MACF1: variants seen among roughly 807,000 people sequenced by gnomAD.
MACF1 encodes the protein microtubule-actin cross-linking factor 1.
In MACF1, 193 loss-of-function variants were observed where a neutral mutation model predicts 854.8. The ratio of observed to expected loss-of-function variants is 0.23; its 90% confidence interval spans 0.20 to 0.25. The LOEUF (loss-of-function observed/expected upper bound fraction) is 0.25, where lower values mean the gene tolerates loss of function less well. Among genes scored for constraint, MACF1 ranks in the 10% least tolerant of loss-of-function variants. The probability of loss-of-function intolerance (pLI) is 1.00; values close to 1 mark genes in which losing one functional copy is unlikely to be tolerated. For synonymous variants in MACF1, 3,185 were observed against 3,226.7 expected (o/e 0.99, Z 0.44); for missense variants, 7,722 against 8,929.1 (o/e 0.86, Z 5.45).
chr1:39,292,982 C>T (rs1417327770), intron 17 of MACF1, 139 bp downstream of exon 17: 15 of 620,202 alleles, frequency 2.4e-5, no homozygotes, highest in Non-Finnish European at 3.9e-5. Context: ...TTACTATGCA[C>T]TTATTCATAT....
At chr1:39,310,518 A>G in intron 25 of MACF1, 90 bp downstream of exon 25, 2 of 1,346,834 alleles carry the variant, frequency 1.5e-6, no homozygotes, top group Non-Finnish European at 2.0e-6. Context: ...TGAGAGAGTA[A>G]CATCACCACT....
chr1:39,314,548 TTC>T (rs147825623), intron 26 of MACF1, among the ~76,000 whole-genome samples: 4,510 of 126,294 alleles, frequency 0.036, 204 homozygotes, highest in African/African-American at 0.092. Context: ...CAATTTCTCT[TTC>T]TCTCTCTCTC....
At position 39,424,021 on chromosome 1, in the gene MACF1, A is replaced by G; in HGVS notation, c.16150-7A>G. 1.2e-6 allele frequency: 2 copies of G among 1,607,016 alleles called. No homozygotes were observed. Among genetic ancestry groups the G allele is most frequent in the Non-Finnish European group, 8.5e-7 (1 of 1,176,450 alleles). ...TGTGTTACAGCTTTTCATTCTCTTT[A>G]TAATAGTTGCTCCAGCGGCTCCTAG... On this transcript the variant is annotated splice_polypyrimidine_tract_variant and splice_region_variant and intron_variant, in intron 60 of 100. Coordinates refer to ENST00000564288, the MANE Select transcript of MACF1 (RefSeq NM_001394062.1).
At chr1:39,420,078 G>C (rs1643477121) in intron 58 of MACF1, among the ~76,000 whole-genome samples, 1 of 152,182 alleles carries the variant, frequency 6.6e-6, no homozygotes, top group Admixed American at 6.5e-5. Context: ...ATGTGGCTTT[G>C]ACTATGTGAA....
intron 1 of MACF1, among the ~76,000 whole-genome samples, chr1:39,225,000 C>G (rs1418817706): frequency 6.6e-6 from 1 of 152,054 alleles, no homozygotes; most frequent in Non-Finnish European, 1.5e-5. Context: ...GCCTGGACAA[C>G]ATACTGACAC....
intron 58 of MACF1, among the ~76,000 whole-genome samples, chr1:39,402,719 GCT>G (rs1557632675): frequency 6.6e-6 from 1 of 152,186 alleles, no homozygotes; most frequent in Non-Finnish European, 1.5e-5. Flanking sequence ...TGCTGAAACT[GCT>G]CTCTTAGATA....
rs141563014 is a variant in MACF1, at chr1:39,334,622, A to G, written c.8034A>G (p.Ala2678=). 2 of 1,614,120 alleles carry G rather than the reference A, an allele frequency of 1.2e-6. No homozygotes were observed. Among genetic ancestry groups the G allele is most frequent in the East Asian group, 2.2e-5 (1 of 44,874 alleles). ...TTCAGCTTGGAAAAGTAGACTTTGC[A>G]TCTACGCTGAAGGTTCTAGAAGCCC... ...QAIQLGKVDF[A]STLKVLEAQA... The change falls in exon 37 of 101, where the codon GCA becomes GCG. Residue 2678 remains alanine, a synonymous_variant. Coordinates refer to ENST00000564288, the MANE Select transcript of MACF1 (RefSeq NM_001394062.1).
intron 15 of MACF1, among the ~76,000 whole-genome samples, chr1:39,291,269 G>T (rs574104693): frequency 6.6e-6 from 1 of 152,194 alleles, no homozygotes. Flanking sequence ...GAGCCACTGC[G>T]CCTGGCAATC....
chr1:39,197,826 T>C (rs1176662538), intron 2 of MACF1, among the ~76,000 whole-genome samples: 1 of 152,158 alleles, frequency 6.6e-6, no homozygotes, highest in Non-Finnish European at 1.5e-5. Flanking sequence ...TTCAAGGCTG[T>C]AGTGAGCTAT....
chr1:39,413,219 A>G, intron 58 of MACF1: 1 of 1,613,312 alleles, frequency 6.2e-7, no homozygotes, highest in South Asian at 1.1e-5. Flanking sequence ...CATGCTCCAG[A>G]GGAGCCTGAT....
chr1:39,291,624 C>G (rs1645792071), intron 15 of MACF1, among the ~76,000 whole-genome samples: 1 of 152,148 alleles, frequency 6.6e-6, no homozygotes, highest in Non-Finnish European at 1.5e-5. Flanking sequence ...GCATTTTAAG[C>G]CTGTGAAGTT....
At chr1:39,229,455 A>G (rs1222035632) in intron 1 of MACF1, among the ~76,000 whole-genome samples, 1 of 152,210 alleles carries the variant, frequency 6.6e-6, no homozygotes, top group African/African-American at 2.4e-5. Flanking sequence ...GGGATCAATA[A>G]GAAGAAAATA....
chr1:39,433,260 T>C (rs1643906618), intron 68 of MACF1, 105 bp downstream of exon 68: 1 of 608,822 alleles, frequency 1.6e-6, no homozygotes, highest in African/African-American at 1.9e-5. Context: ...TCCTGGACTT[T>C]TCTTATGATT....
In MACF1 at chr1:39,432,520, T is replaced by G; in HGVS notation, c.17338-15T>G. On this transcript the variant is annotated splice_polypyrimidine_tract_variant and intron_variant, in intron 66 of 100. Coordinates refer to ENST00000564288, the MANE Select transcript of MACF1 (RefSeq NM_001394062.1). ...TGTATATAATTTGTTTATTTTTCTT[T>G]AATACGTCTATTAGTATGAGCAAGC... 2 of 1,613,124 alleles carry G rather than the reference T, an allele frequency of 1.2e-6. No individual in the cohort carries two copies. The highest frequency in any genetic ancestry group is 1.7e-6 in the Non-Finnish European group (2 of 1,179,536).
Position 39,332,970 on chromosome 1 carries a change from A to AG in MACF1, c.6386dup (p.His2130ThrfsTer9). ...AGTGTCTGTCAGAGAAAATGCCAGCAGGGGACACCTCCTGACCATACCTCC... is the reference window on the plus strand; with the variant it reads ...AGTGTCTGTCAGAGAAAATGCCAGCAGGGGGACACCTCCTGACCATACCTCC... On this transcript the variant is annotated frameshift_variant, in exon 37 of 101. Transcript: ENST00000564288. LOFTEE classifies it high-confidence loss of function. 1 of 1,614,168 alleles carries AG rather than the reference A, an allele frequency of 6.2e-7. No individual in the cohort carries two copies. The highest frequency in any genetic ancestry group is 1.1e-5 in the South Asian group (1 of 91,086).
At chr1:39,477,781 A>C (rs783827) in intron 97 of MACF1, among the ~76,000 whole-genome samples, 142,935 of 152,028 alleles carry the variant, frequency 0.94, 67,240 homozygotes, top group East Asian at 1. Context: ...GTGAGTACTT[A>C]AGTGTCTCTG....
chr1:39,100,222 C>T (rs1642034509), intron 2 of MACF1, among the ~76,000 whole-genome samples: 1 of 152,072 alleles, frequency 6.6e-6, no homozygotes, highest in Admixed American at 6.6e-5. Context: ...TAGAGTAAGA[C>T]GCTGCCTCTA....
chr1:39,456,721 T>G (rs1644447425), intron 89 of MACF1: 1 of 152,406 alleles, frequency 6.6e-6, no homozygotes, highest in Non-Finnish European at 1.5e-5. Context: ...GACATGTCCT[T>G]CCAACCCAGA....
intron 22 of MACF1, among the ~76,000 whole-genome samples, chr1:39,301,067 C>T (rs989887034): frequency 6.6e-6 from 1 of 151,998 alleles, no homozygotes; most frequent in South Asian, 2.1e-4. Flanking sequence ...TGTCAGCCTC[C>T]CCATTTAGTG....
Sources: allele counts gnomAD v4.1 joint callset (sites outside exome capture counted in the v4.1 genomes callset), GRCh38; gene constraint gnomAD v4.1.1; transcripts MANE v1.5; gene names NCBI Gene and HGNC (gene_info 2026-07-23, HGNC 2026-07-21).